Variants in EDNRB observed in about 807,000 individuals in gnomAD.
EDNRB encodes the protein Hirschsprung disease 2.
Under a neutral mutation model 46.4 loss-of-function variants are expected in EDNRB, and 18 were observed. The observed-to-expected ratio is 0.39, with a 90% CI of 0.27 to 0.57. The LOEUF is 0.57. Ranked by LOEUF, EDNRB falls within the 20% of genes least tolerant of loss-of-function variation. The pLI, the probability that EDNRB is intolerant of heterozygous loss-of-function variation, is 0.61. For missense variants in EDNRB, 434 were observed against 537.5 expected (o/e 0.81, Z 1.90); for synonymous variants, 213 against 204.9 (o/e 1.04, Z -0.34).
At chr13:77,904,583 ATATT>A (rs1160318654) in intron 1 of EDNRB, among the ~76,000 whole-genome samples, 2 of 151,820 alleles carry the variant, frequency 1.3e-5, no homozygotes, top group African/African-American at 2.4e-5. Flanking sequence ...TTATAGATAT[ATATT>A]TATACACACA....
Position 77,904,130 on chromosome 13 carries a change from T to C in EDNRB, c.484-523A>G, listed in dbSNP as rs371815296. On this transcript the variant is annotated intron_variant, in intron 1 of 6. Coordinates refer to ENST00000646607, the MANE Select transcript of EDNRB (RefSeq NM_001122659.3). The stretch of plus-strand genomic sequence containing the variant: ...TCATTCAGTAGGAGTAGCTACACAG[T>C]TGCTCAAACACACCAGGCACATTCC... 3.3e-5 allele frequency among the ~76,000 whole-genome samples: 5 copies of C among 152,058 alleles called. No homozygotes were observed. The East Asian group carries it at 9.7e-4, about 30-fold the overall frequency.
intron 1 of EDNRB, among the ~76,000 whole-genome samples, chr13:77,958,861 C>A (rs1191069179): frequency 6.6e-6 from 1 of 152,196 alleles, no homozygotes; most frequent in Non-Finnish European, 1.5e-5. Context: ...ATATCACCAT[C>A]TTCTTACTTC....
intron 1 of EDNRB, among the ~76,000 whole-genome samples, chr13:77,954,099 C>T (rs1537063): frequency 0.074 from 11,271 of 152,210 alleles, 577 homozygotes; most frequent in Non-Finnish European, 0.12. Context: ...GCAATTCCAA[C>T]ATTGCATCCC....
Position 77,918,546 on chromosome 13 carries a change from G to A in EDNRB, c.28C>T (p.Arg10Cys), listed in dbSNP as rs1204381719. 2 of 1,596,938 alleles carry A rather than the reference G, an allele frequency of 1.3e-6. No individual in the cohort carries two copies. Among genetic ancestry groups the A allele is most frequent in the South Asian group, 1.1e-5 (1 of 87,984 alleles). Residue 10 changes from arginine (R) to cysteine (C), a missense_variant, in exon 1 of 7, where the codon CGC (arginine) becomes TGC (cysteine). Transcript: ENST00000646607. The surrounding 1 kb of genome is among the most constrained non-coding windows in gnomAD (Gnocchi z 4.5). ...GCAAGAACCAGCGCAACCAGGGCGC[G>A]TCCGCACAGACTTGGAGGCGGCTGC... MQPPPSLCG[R>C]ALVALVLACG...
chr13:77,963,829 A>G (rs1403138623), intron 1 of EDNRB, among the ~76,000 whole-genome samples: 22 of 152,228 alleles, frequency 1.4e-4, no homozygotes, highest in African/African-American at 7.2e-5. Context: ...CAGAGTAAAC[A>G]GGCAACCTAC....
At chr13:77,925,793 C>T (rs1267217698) in intron 1 of EDNRB, among the ~76,000 whole-genome samples, 1 of 152,168 alleles carries the variant, frequency 6.6e-6, no homozygotes, top group African/African-American at 2.4e-5. Flanking sequence ...GTCCTCCAGA[C>T]CCCAGAGTGG....
In EDNRB at chr13:77,916,385, T is replaced by C. The variant is rs73231093; in HGVS notation, c.483+1706A>G. Among the ~76,000 whole-genome samples the C allele has an allele frequency of 4.1e-4, 63 of 152,352 alleles. 2 individuals are homozygous for C. The highest frequency in any genetic ancestry group is 3.1e-4 in the Non-Finnish European group (21 of 68,038). ...CCTTAAGAAGTAAAAGGGTCACTTC[T>C]GGCCCTCATGGAGTTGTGGCTGCAT... On this transcript the variant is annotated intron_variant, in intron 1 of 6. Coordinates refer to ENST00000646607, the MANE Select transcript of EDNRB (RefSeq NM_001122659.3).
chr13:77,904,586 T>C (rs933758419), intron 1 of EDNRB, among the ~76,000 whole-genome samples: 7 of 151,948 alleles, frequency 4.6e-5, no homozygotes, highest in African/African-American at 1.4e-4. Flanking sequence ...TAGATATATA[T>C]TTATACACAC....
intron 5 of EDNRB, 23 bp downstream of exon 5, chr13:77,900,498 C>T (rs771999239): frequency 6.2e-7 from 1 of 1,611,750 alleles, no homozygotes; most frequent in South Asian, 1.1e-5. Flanking sequence ...TTTACAAAAC[C>T]ATTTCTAGTT....
intron 1 of EDNRB, among the ~76,000 whole-genome samples, chr13:77,941,753 A>T (rs1023757755): frequency 2.6e-5 from 4 of 152,210 alleles, no homozygotes; most frequent in Admixed American, 2.6e-4. Flanking sequence ...ATATTTTGGA[A>T]TCTGTTTGGC....
intron 1 of EDNRB, among the ~76,000 whole-genome samples, chr13:77,964,274 T>C (rs1881515045): frequency 6.6e-6 from 1 of 152,222 alleles, no homozygotes; most frequent in South Asian, 2.1e-4. Flanking sequence ...TTACTGGGTA[T>C]ATACCCAAAG....
intron 1 of EDNRB, among the ~76,000 whole-genome samples, chr13:77,913,060 A>G (rs999151320): frequency 2.0e-5 from 3 of 152,262 alleles, no homozygotes; most frequent in African/African-American, 7.2e-5. Flanking sequence ...CTACAAAACT[A>G]GTTAATTATA....
Position 77,918,406 on chromosome 13 carries a change from C to T in EDNRB, c.168G>A (p.Lys56=), listed in dbSNP as rs1879927698. The T allele has an allele frequency of 6.3e-7, 1 of 1,597,238 alleles. No individual in the cohort carries two copies. Among genetic ancestry groups the T allele is most frequent in the African/African-American group, 1.3e-5 (1 of 74,324 alleles). ...MTPPTKTLWP[K]GSNASLARSL... is the part of the protein sequence containing the mutation. ...ACCGCGCCAGACTGGCGTTGGAACC[C>T]TTGGGCCATAAGGTCTTAGTGGGTG... is the stretch of plus-strand genomic sequence containing the variant. Residue 56 remains lysine (K), a synonymous_variant, in exon 1 of 7, where the codon AAG becomes AAA. Transcript: ENST00000646607. The surrounding 1 kb of genome is among the most constrained non-coding windows in gnomAD (Gnocchi z 4.5).
At position 77,903,510 on chromosome 13, in the gene EDNRB, G is replaced by A. The variant is rs751513574; in HGVS notation, c.581C>T (p.Ala194Val). ...SVGITVLSLC[A>V]LSIDRYRAVA... ...AAGCTTCTACCTGTCAATACTCAGAGCACATAGACTCAGCACAGTGATTCC... is the reference window on the plus strand; with the variant it reads ...AAGCTTCTACCTGTCAATACTCAGAACACATAGACTCAGCACAGTGATTCC... The change falls in exon 2 of 7, where the codon GCT becomes GTT. Residue 194 changes from alanine to valine, a missense_variant. Physicochemically the swap from Ala to Val is moderately conservative, Grantham distance 64. Coordinates refer to ENST00000646607, the MANE Select transcript of EDNRB (RefSeq NM_001122659.3). 1.9e-5 allele frequency: 30 copies of A among 1,612,664 alleles called. No individual in the cohort carries two copies. Among genetic ancestry groups the A allele is most frequent in the Non-Finnish European group, 2.1e-5 (25 of 1,179,242 alleles).
At position 77,897,131 on chromosome 13, in the gene EDNRB, T is replaced by C. The variant is rs200327429; in HGVS notation, c.*1069A>G. The C allele has an allele frequency of 1.8e-5, 18 of 985,676 alleles. No individual in the cohort carries two copies. The highest frequency in any genetic ancestry group is 2.2e-5 in the Non-Finnish European group (18 of 830,298). 61.1% of individuals were successfully genotyped at this position (985,676 alleles called of 1,614,324 possible). A position where few individuals can be genotyped will look rare whatever the true frequency, so the allele number is the denominator to read the frequency against. ...TGAGAGAGGGTGCTACCTGCCCCTTTGTCATGTGGACACTGCACCAGGCAG... is the reference window on the plus strand; with the variant it reads ...TGAGAGAGGGTGCTACCTGCCCCTTCGTCATGTGGACACTGCACCAGGCAG... On this transcript the variant is annotated 3_prime_UTR_variant, in exon 7 of 7. Coordinates refer to ENST00000646607, the MANE Select transcript of EDNRB (RefSeq NM_001122659.3).
intron 1 of EDNRB, among the ~76,000 whole-genome samples, chr13:77,924,886 C>A (rs1415181627): frequency 2.0e-5 from 3 of 152,206 alleles, no homozygotes; most frequent in African/African-American, 7.2e-5. Flanking sequence ...CTGCCATCCA[C>A]CTAAGATGTG....
At chr13:77,900,402 C>G (rs1878899512) in intron 5 of EDNRB, 119 bp downstream of exon 5, 1 of 1,459,132 alleles carries the variant, frequency 6.9e-7, no homozygotes, top group Admixed American at 1.8e-5. Flanking sequence ...TTGGGAGTCT[C>G]CATGACTTCC....
At chr13:77,929,613 T>C (rs1880332002) in intron 1 of EDNRB, among the ~76,000 whole-genome samples, 1 of 152,180 alleles carries the variant, frequency 6.6e-6, no homozygotes, top group Admixed American at 6.5e-5. Context: ...AAAACCCATT[T>C]GTACAAGGCG....
intron 1 of EDNRB, among the ~76,000 whole-genome samples, chr13:77,968,408 T>C (rs1881639057): frequency 6.6e-6 from 1 of 152,164 alleles, no homozygotes; most frequent in African/African-American, 2.4e-5. Flanking sequence ...TGAAGTAGAT[T>C]CTCTTTTCTA....
Sources: allele counts gnomAD v4.1 joint callset (sites outside exome capture counted in the v4.1 genomes callset), GRCh38; gene constraint gnomAD v4.1.1; non-coding constraint Gnocchi (gnomAD v3.1); transcripts MANE v1.5; gene names NCBI Gene and HGNC (gene_info 2026-07-23, HGNC 2026-07-21).